ARHGAP33: variants seen among roughly 807,000 people sequenced by gnomAD.
ARHGAP33 encodes rho GTPase-activating protein 33.
Under a neutral mutation model 126.2 loss-of-function variants are expected in ARHGAP33, and 57 were observed. The observed-to-expected ratio is 0.45, with a 90% CI of 0.36 to 0.56. ARHGAP33 has a LOEUF of 0.56. ARHGAP33 is among the 20% of genes least tolerant of loss of function. The pLI is 0.00. For synonymous variants in ARHGAP33, 711 were observed against 755.0 expected (o/e 0.94, Z 0.95); for missense variants, 1,500 against 1,748.3 (o/e 0.86, Z 2.53).
rs1971855511 is a variant in ARHGAP33 at position 35,782,608 on chromosome 19, AG to A, written c.1243del (p.Val415CysfsTer30). On this transcript the variant is annotated frameshift_variant, in exon 14 of 21. Coordinates refer to ENST00000007510, the MANE Select transcript of ARHGAP33 (RefSeq NM_001366178.1). LOFTEE classifies it high-confidence loss of function. The surrounding 1 kb of genome is among the most constrained non-coding windows in gnomAD (Gnocchi z 4.1). ...GCCCACCATCTCAGGAGGCCATGTC[AG>A]TGCCTGGGGAGGAGGAGCGTCTGGT... ...LYGKFSEAMSVPGEEERLVRV... is the reference protein window; with the variant it reads ...LYGKFSEAMSXPGEEERLVRV... 1 of 1,613,752 alleles carries A rather than the reference AG, an allele frequency of 6.2e-7. No homozygotes were observed. Among genetic ancestry groups the A allele is most frequent in the African/African-American group, 1.3e-5 (1 of 74,932 alleles).
chr19:35,778,339 C>T lies in ARHGAP33; in HGVS notation c.249C>T (p.Phe83=), dbSNP rs776829480. 127 of 1,614,006 alleles carry T rather than the reference C, an allele frequency of 7.9e-5. No individual in the cohort carries two copies. Among genetic ancestry groups the T allele is most frequent in the Non-Finnish European group, 9.7e-5 (115 of 1,180,010 alleles). The change falls in exon 4 of 21, where the codon TTC becomes TTT. Residue 83 remains phenylalanine (F), a synonymous_variant. Coordinates refer to ENST00000007510, the MANE Select transcript of ARHGAP33 (RefSeq NM_001366178.1). The stretch of plus-strand genomic sequence containing the variant: ...TCTCTGGAGAGAATGAGCTGGTGTT[C>T]GGGGTGCAGGTGACCTGTCAGGTGA... ...PSLSGENELV[F]GVQVTCQGRS...
Position 35,788,146 on chromosome 19 carries a change from G to A in ARHGAP33, c.3581G>A (p.Arg1194Gln), listed in dbSNP as rs771827759. 3.6e-5 allele frequency: 41 copies of A among 1,131,868 alleles called. No homozygotes were observed. The highest frequency in any genetic ancestry group is 3.1e-4 in the East Asian group (7 of 22,304). 70.1% of individuals were successfully genotyped at this position (1,131,868 alleles called of 1,614,324 possible). The change falls in exon 21 of 21, where the codon CGA (arginine) becomes CAA (glutamine). Residue 1194 changes from arginine (R) to glutamine (Q), a missense_variant. By Grantham distance (43) the Arg-to-Gln change is conservative (BLOSUM62 1). This residue lies in a region of ARHGAP33 where 642 missense variants were observed against 634.0 expected (regional missense o/e 1.01). Coordinates refer to ENST00000007510, the MANE Select transcript of ARHGAP33 (RefSeq NM_001366178.1). ...SSSSSPPAHP[R>Q]SRSDPGPPVP... ...TCCTCTTCCCCTCCTGCCCACCCCC[G>A]AAGCCGTTCAGATCCCGGTCCCCCA... is the stretch of plus-strand genomic sequence containing the variant.
chr19:35,782,505 T>C lies in ARHGAP33; in HGVS notation c.1218T>C (p.Tyr406=). 1 of 1,613,152 alleles carries C rather than the reference T, an allele frequency of 6.2e-7. No individual in the cohort carries two copies. Among genetic ancestry groups the C allele is most frequent in the Non-Finnish European group, 8.5e-7 (1 of 1,179,246 alleles). Reference sequence around the variant, plus strand: ...ACCCTCTGCTCACCTACCAGCTCTATGGGAAGTTCAGTGTGAGTAAGGGAG... The same window carrying C: ...ACCCTCTGCTCACCTACCAGCTCTACGGGAAGTTCAGTGTGAGTAAGGGAG... The part of the protein sequence containing the change: ...LPNPLLTYQL[Y]GKFSEAMSVP... Residue 406 remains tyrosine (Y), a synonymous_variant, in exon 13 of 21, where the codon TAT becomes TAC. Transcript: ENST00000007510. The surrounding 1 kb of genome is among the most constrained non-coding windows in gnomAD (Gnocchi z 4.1).
chr19:35,787,145 C>G (rs896377209), intron 20 of ARHGAP33, 23 bp from the exon 21 acceptor site: 1 of 1,606,802 alleles, frequency 6.2e-7, no homozygotes, highest in African/African-American at 1.3e-5. Flanking sequence ...CCCAGCTGAA[C>G]CCCTCTCCAT....
Position 35,778,478 on chromosome 19 carries a change from G to T in ARHGAP33, c.285G>T (p.Pro95=), listed in dbSNP as rs764837225. 5 of 1,614,152 alleles carry T rather than the reference G, an allele frequency of 3.1e-6. No individual in the cohort carries two copies. The highest frequency in any genetic ancestry group is 2.2e-5 in the East Asian group (1 of 44,882). Residue 95 remains proline, a synonymous_variant, in exon 5 of 21, where the codon CCG becomes CCT. Coordinates refer to ENST00000007510, the MANE Select transcript of ARHGAP33 (RefSeq NM_001366178.1). ...TGCTCCCACAGGGCCGTTCCTGGCC[G>T]GTTCTCCGGAGTTACGATGACTTTC... ...VQVTCQGRSW[P]VLRSYDDFRS...
At position 35,775,631 on chromosome 19, in the gene ARHGAP33, G is replaced by A. The variant is rs1217914245; in HGVS notation, c.-28G>A. The A allele has an allele frequency of 1.3e-6, 2 of 1,521,896 alleles. No individual in the cohort carries two copies. The highest frequency in any genetic ancestry group is 1.4e-5 in the African/African-American group (1 of 69,184). 94.3% of individuals were successfully genotyped at this position (1,521,896 alleles called of 1,614,324 possible). A position where few individuals can be genotyped will look rare whatever the true frequency, so the allele number is the denominator to read the frequency against. ...GAACGGCGAGCGAGGGGTCGAGCGC[G>A]GCCGGGGCCTGAGGAGGCTACGCGA... On this transcript the variant is annotated 5_prime_UTR_variant, in exon 1 of 21. Coordinates refer to ENST00000007510, the MANE Select transcript of ARHGAP33 (RefSeq NM_001366178.1).
chr19:35,776,040 C>T (rs867677759), intron 1 of ARHGAP33, among the ~76,000 whole-genome samples: 88 of 151,794 alleles, frequency 5.8e-4, no homozygotes, highest in African/African-American at 2.0e-3. Context: ...GCCCTCAGCC[C>T]TCCCCGGCGG....
Position 35,782,358 on chromosome 19 carries a change from A to G in ARHGAP33, c.1086-15A>G. Reference sequence around the variant, plus strand: ...CTGACCTGGATCTTCCTCCTCCTTGACACGGTGGTCTCAGGCACGAGTTTG... The same window carrying G: ...CTGACCTGGATCTTCCTCCTCCTTGGCACGGTGGTCTCAGGCACGAGTTTG... On this transcript the variant is annotated splice_polypyrimidine_tract_variant and intron_variant, in intron 12 of 20. Coordinates refer to ENST00000007510, the MANE Select transcript of ARHGAP33 (RefSeq NM_001366178.1). The surrounding 1 kb of genome is among the most constrained non-coding windows in gnomAD (Gnocchi z 4.1). 1.3e-6 allele frequency: 2 copies of G among 1,594,922 alleles called. No individual in the cohort carries two copies. Among genetic ancestry groups the G allele is most frequent in the Non-Finnish European group, 1.7e-6 (2 of 1,164,778 alleles).
intron 16 of ARHGAP33, chr19:35,784,720 G>A: frequency 7.9e-7 from 1 of 1,267,080 alleles, no homozygotes; most frequent in Non-Finnish European, 9.9e-7. Context: ...ACTGAAGCCA[G>A]AGCCGCTGCC....
Position 35,786,253 on chromosome 19 carries a change from T to C in ARHGAP33, c.1943-160T>C, listed in dbSNP as rs1290476621. The C allele has an allele frequency of 4.2e-6, 6 of 1,425,278 alleles. No individual in the cohort carries two copies. In the African/African-American group the frequency reaches 4.3e-5, roughly 10 times the overall value. 88.3% of individuals were successfully genotyped at this position (1,425,278 alleles called of 1,614,324 possible). A position where few individuals can be genotyped will look rare whatever the true frequency, so the allele number is the denominator to read the frequency against. On this transcript the variant is annotated intron_variant, in intron 19 of 20. Coordinates refer to ENST00000007510, the MANE Select transcript of ARHGAP33 (RefSeq NM_001366178.1). The surrounding 1 kb of genome is among the most constrained non-coding windows in gnomAD (Gnocchi z 7.0). ...GGGCCTTCGTGCTTTGGGCCGGAAG[T>C]GTCCTCTTCATGGTCTCCACTGTCA...
rs1261152521 is a variant in ARHGAP33, at chr19:35,778,522, T to G, written c.329T>G (p.Leu110Arg). Reference protein sequence around the residue: ...YDDFRSLDAHLHRCIFDRRFS... With the variant: ...YDDFRSLDAHRHRCIFDRRFS... ...GACTTTCGTTCCCTGGATGCCCACC[T>G]CCACCGGTGCATATTTGACCGGAGG... is the stretch of plus-strand genomic sequence containing the variant. The change falls in exon 5 of 21, where the codon CTC becomes CGC. Residue 110 changes from leucine to arginine, a missense_variant. Leu to Arg is a moderately radical substitution (Grantham distance 102, BLOSUM62 -2). Coordinates refer to ENST00000007510, the MANE Select transcript of ARHGAP33 (RefSeq NM_001366178.1). The G allele has an allele frequency of 6.2e-7, 1 of 1,614,188 alleles. No homozygotes were observed. The highest frequency in any genetic ancestry group is 1.7e-5 in the Admixed American group (1 of 60,028).
Position 35,786,900 on chromosome 19 carries a change from G to T in ARHGAP33, c.2430G>T (p.Leu810=). ...CAGTGCCACCCGCTGTCCTAGAACT[G>T]CTGGGGGCTGGGGGAGCACCTGCCT... ...AVSVPPAVLE[L]LGAGGAPASA... is the part of the protein sequence containing the mutation. The change falls in exon 20 of 21, where the codon CTG becomes CTT. Residue 810 remains leucine, a synonymous_variant. Transcript: ENST00000007510. This position sits in a 1 kb window ranked among gnomAD's most constrained non-coding sequence, Gnocchi z 7.0. 6.2e-7 allele frequency: 1 copy of T among 1,608,960 alleles called. No homozygotes were observed. Among genetic ancestry groups the T allele is most frequent in the Non-Finnish European group, 8.5e-7 (1 of 1,179,166 alleles).
intron 15 of ARHGAP33, among the ~76,000 whole-genome samples, chr19:35,783,506 G>A (rs1339286832): frequency 1.3e-5 from 2 of 152,178 alleles, no homozygotes; most frequent in Admixed American, 6.5e-5. Flanking sequence ...CCCCAGGTGC[G>A]CACGTGGGGA....
At position 35,784,335 on chromosome 19, in the gene ARHGAP33, C is replaced by A. The variant is rs1252684585; in HGVS notation, c.1567+18C>A. On this transcript the variant is annotated intron_variant, in intron 16 of 20. Coordinates refer to ENST00000007510, the MANE Select transcript of ARHGAP33 (RefSeq NM_001366178.1). Reference sequence around the variant, plus strand: ...CCCTGCAGGTATGCCCTCCCACCCCCTGAGGTCCTGGCTACTGCCCACCAC... The same window carrying A: ...CCCTGCAGGTATGCCCTCCCACCCCATGAGGTCCTGGCTACTGCCCACCAC... The A allele has an allele frequency of 4.5e-6, 7 of 1,542,144 alleles. No homozygotes were observed. The highest frequency in any genetic ancestry group is 6.1e-6 in the Non-Finnish European group (7 of 1,140,968).
Position 35,781,018 on chromosome 19 carries a change from CAG to C in ARHGAP33, c.931_932del (p.Arg311GlyfsTer29). The C allele has an allele frequency of 6.2e-7, 1 of 1,612,362 alleles. No homozygotes were observed. Among genetic ancestry groups the C allele is most frequent in the Non-Finnish European group, 8.5e-7 (1 of 1,179,912 alleles). ...QRLRQRGILR[Q>X]RVFGCDLGEH... ...GCTGCGGCAGCGGGGAATCCTGCGA[CAG>C]AGGGTGTTTGGCTGCGATCTTGGCG... On this transcript the variant is annotated frameshift_variant, in exon 11 of 21. Transcript: ENST00000007510. LOFTEE classifies it high-confidence loss of function.
At chr19:35,779,413 G>A (rs1971628511) in intron 6 of ARHGAP33, among the ~76,000 whole-genome samples, 1 of 152,134 alleles carries the variant, frequency 6.6e-6, no homozygotes, top group African/African-American at 2.4e-5. Flanking sequence ...CTGGCTATGA[G>A]TGGCTTAAAC....
At chr19:35,785,163 C>T in intron 17 of ARHGAP33, 26 bp from the exon 18 acceptor site, 2 of 1,577,246 alleles carry the variant, frequency 1.3e-6, no homozygotes, top group Non-Finnish European at 1.7e-6. Flanking sequence ...CCTCAGACGG[C>T]CTCCTGTTTC....
In ARHGAP33 at chr19:35,777,676, G is replaced by A. The variant is rs1054648255; in HGVS notation, c.38G>A (p.Gly13Glu). 1 of 1,586,392 alleles carries A rather than the reference G, an allele frequency of 6.3e-7. No homozygotes were observed. The highest frequency in any genetic ancestry group is 8.6e-7 in the Non-Finnish European group (1 of 1,166,078). Residue 13 changes from glycine to glutamate, a missense_variant, in exon 2 of 21, where the codon GGG becomes GAG. Gly to Glu is a moderately conservative substitution (Grantham distance 98). This residue lies in a region of ARHGAP33 where 129 missense variants were observed against 145.9 expected (regional missense o/e 0.88). Transcript: ENST00000007510. ...ARSTDSLDGP[G>E]EGSVQPLPTA... Reference sequence around the variant, plus strand: ...AGCACTGACAGCCTGGATGGCCCAGGGGAGGGCTCGGTGCAGCCTCTACCC... The same window carrying A: ...AGCACTGACAGCCTGGATGGCCCAGAGGAGGGCTCGGTGCAGCCTCTACCC...
In ARHGAP33 at chr19:35,784,190, A is replaced by G. The variant is rs1971961772; in HGVS notation, c.1440A>G (p.Ser480=). 6.2e-7 allele frequency: 1 copy of G among 1,611,160 alleles called. No homozygotes were observed. Among genetic ancestry groups the G allele is most frequent in the Non-Finnish European group, 8.5e-7 (1 of 1,178,484 alleles). The part of the protein sequence containing the change: ...PNLLRSMELE[S]VGMGGAAAFR... ...CACCCAGGTCCATGGAGCTGGAGTC[A>G]GTGGGAATGGGTGGCGCGGCGGCGT... Residue 480 remains serine (S), a synonymous_variant, in exon 16 of 21, where the codon TCA becomes TCG. Coordinates refer to ENST00000007510, the MANE Select transcript of ARHGAP33 (RefSeq NM_001366178.1).
Sources: gnomAD v4.1 joint callset for allele counts (sites outside exome capture counted in the v4.1 genomes callset) on GRCh38, gnomAD v4.1.1 for gene constraint, gnomAD v4.1.1 regional missense constraint, Gnocchi (gnomAD v3.1) non-coding constraint, MANE v1.5 for transcripts, NCBI Gene and HGNC (gene_info 2026-07-23, HGNC 2026-07-21) for gene names.